Variants in IDO2 observed in about 807,000 individuals in gnomAD.
IDO2 encodes indoleamine 2,3-dioxygenase 2.
In IDO2, 46 loss-of-function variants were observed where a neutral mutation model predicts 45.1. The ratio of observed to expected loss-of-function variants is 1.02; its 90% CI spans 0.80 to 1.30. The LOEUF is 1.30. Among genes scored for constraint, IDO2 ranks in the 50% most tolerant of loss-of-function variants. The pLI is 0.00. For synonymous variants in IDO2, 218 were observed against 184.9 expected, an observed-to-expected ratio of 1.18 and a Z score of -1.45; for missense variants, 544 against 491.8, an observed-to-expected ratio of 1.11 and a Z score of -1.00.
At chr8:39,946,477 C>T (rs139495778) in intron 1 of IDO2, among the ~76,000 whole-genome samples, 3,498 of 152,146 alleles carry the variant, frequency 0.023, 108 homozygotes, top group African/African-American at 0.059. Flanking sequence ...CATGGTGGCA[C>T]GCACCTGTAG....
intron 3 of IDO2, among the ~76,000 whole-genome samples, chr8:39,968,122 C>A (rs1164459289): frequency 6.6e-6 from 1 of 150,738 alleles, no homozygotes; most frequent in Admixed American, 6.6e-5. Context: ...ATCCTTCAAC[C>A]GGGGAATGAA....
intron 1 of IDO2, among the ~76,000 whole-genome samples, chr8:39,937,609 T>C (rs1244432300): frequency 3.3e-5 from 5 of 151,724 alleles, no homozygotes; most frequent in Admixed American, 3.3e-4. Flanking sequence ...TAGCCTTGAA[T>C]TCCTGGGCTC....
At chr8:39,976,969 A>G (rs1808268638) in intron 3 of IDO2, among the ~76,000 whole-genome samples, 1 of 152,214 alleles carries the variant, frequency 6.6e-6, no homozygotes. Flanking sequence ...AATGTGATTA[A>G]TATTTTTTAT....
chr8:39,981,680 CT>C (rs1808354851), intron 4 of IDO2, among the ~76,000 whole-genome samples: 1 of 152,120 alleles, frequency 6.6e-6, no homozygotes, highest in Non-Finnish European at 1.5e-5. Context: ...CATTGCAAGA[CT>C]CATTAAAGCT....
chr8:39,949,227 T>A, exon 2 of IDO2: 1 of 1,604,644 alleles, frequency 6.2e-7, no homozygotes, highest in East Asian at 2.2e-5. Flanking sequence ...AGCTATCACA[T>A]ATCTGAAGAG....
intron 9 of IDO2, 74 bp downstream of exon 9, chr8:40,005,452 C>G: frequency 2.1e-6 from 2 of 950,642 alleles, no homozygotes; most frequent in Non-Finnish European, 3.1e-6. Context: ...GACGAAGAGA[C>G]AGAAGCTTCC....
chr8:39,938,039 A>G (rs769290679), intron 1 of IDO2, among the ~76,000 whole-genome samples: 12 of 152,344 alleles, frequency 7.9e-5, no homozygotes, highest in Middle Eastern at 3.4e-3. Context: ...CTTCTTAGAC[A>G]TGTTAAGAAC....
chr8:39,982,801 C>A (rs1319790252), intron 5 of IDO2, 31 bp downstream of exon 5: 1 of 1,350,194 alleles, frequency 7.4e-7, no homozygotes, highest in Non-Finnish European at 1.0e-6. Flanking sequence ...TTTGAATTTC[C>A]ATAACTTTCC....
At chr8:40,010,319 G>A (rs147612717) in intron 9 of IDO2, among the ~76,000 whole-genome samples, 1,577 of 152,184 alleles carry the variant, frequency 0.01, 16 homozygotes, top group Non-Finnish European at 0.017. Context: ...TGGTGGAAGA[G>A]CTGCAGGAAG....
At chr8:39,995,521 A>T (rs1802029447) in intron 8 of IDO2, among the ~76,000 whole-genome samples, 1 of 151,906 alleles carries the variant, frequency 6.6e-6, no homozygotes, top group African/African-American at 2.4e-5. Flanking sequence ...ACCTCAAGTG[A>T]TCCACCTGCC....
intron 1 of IDO2, among the ~76,000 whole-genome samples, chr8:39,943,950 G>A (rs945348557): frequency 1.3e-5 from 2 of 152,026 alleles, no homozygotes; most frequent in African/African-American, 4.8e-5. Flanking sequence ...CAGTCCTGTT[G>A]TCCTGGCACA....
chr8:40,005,689 C>T (rs576099138), intron 9 of IDO2, among the ~76,000 whole-genome samples: 19 of 152,312 alleles, frequency 1.2e-4, no homozygotes, highest in Middle Eastern at 3.4e-3. Context: ...TCACTTACAT[C>T]TACTTTTTCT....
At chr8:39,934,794 CAGAGAA>C in exon 1 of IDO2, 1 of 301,048 alleles carries the variant, frequency 3.3e-6, no homozygotes, top group South Asian at 3.1e-5. Context: ...GAGTGGCAGC[CAGAGAA>C]CTGAGCCCAA....
chr8:39,969,815 C>A (rs574024276), intron 3 of IDO2, among the ~76,000 whole-genome samples: 3 of 150,468 alleles, frequency 2.0e-5, no homozygotes, highest in African/African-American at 7.4e-5. Flanking sequence ...ATGGAGGTTG[C>A]AGTGAGCCTA....
At chr8:39,941,672 GAGAT>G (rs1468398532) in intron 1 of IDO2, among the ~76,000 whole-genome samples, 1 of 152,006 alleles carries the variant, frequency 6.6e-6, no homozygotes, top group Non-Finnish European at 1.5e-5. Context: ...TAAGAACACT[GAGAT>G]AGAGAAATGG....
rs547504917 is a variant in IDO2 at position 39,976,566 on chromosome 8, G to T, written c.196-2501G>T. On this transcript the variant is annotated intron_variant, in intron 3 of 10. Transcript: ENST00000502986. Reference sequence around the variant, plus strand: ...ATTCATGAAATGCTTCTAATAAATAGGAAGTTATAAGATGCATTTCAAAGT... The same window carrying T: ...ATTCATGAAATGCTTCTAATAAATATGAAGTTATAAGATGCATTTCAAAGT... Among the ~76,000 whole-genome samples, 3 of 152,236 alleles carry T rather than the reference G, an allele frequency of 2.0e-5. No individual in the cohort carries two copies. The East Asian group carries it at 5.8e-4, about 29-fold the overall frequency.
At chr8:39,957,525 T>C (rs1807923165) in intron 2 of IDO2, among the ~76,000 whole-genome samples, 1 of 152,180 alleles carries the variant, frequency 6.6e-6, no homozygotes, top group African/African-American at 2.4e-5. Flanking sequence ...GGTGGGAAGA[T>C]TGCTTGACCC....
chr8:39,952,006 A>C (rs748249992), intron 2 of IDO2, among the ~76,000 whole-genome samples: 2 of 152,212 alleles, frequency 1.3e-5, no homozygotes, highest in African/African-American at 2.4e-5. Context: ...CCCTTGGGAA[A>C]GTGGTTTTAC....
At chr8:39,935,165 C>T in exon 1 of IDO2, 2 of 1,609,778 alleles carry the variant, frequency 1.2e-6, no homozygotes, top group Non-Finnish European at 1.7e-6. Flanking sequence ...GGAAATGAAG[C>T]TTGACACTTC....
Sources: allele counts gnomAD v4.1 joint callset (sites outside exome capture counted in the v4.1 genomes callset), GRCh38; gene constraint gnomAD v4.1.1; transcripts MANE v1.5; gene names NCBI Gene and HGNC (gene_info 2026-07-23, HGNC 2026-07-21).